Variants in SLC38A11 observed in about 807,000 individuals in gnomAD.
The protein encoded by SLC38A11 is solute carrier family 38 member 11, also known as putative sodium-coupled neutral amino acid transporter 11.
In SLC38A11, 51 loss-of-function variants were observed where a neutral mutation model predicts 49.4. The observed-to-expected ratio is 1.03, with a 90% CI of 0.83 to 1.30. The LOEUF (loss-of-function observed/expected upper bound fraction) is 1.30, where lower values mean the gene tolerates loss of function less well. Among genes scored for constraint, SLC38A11 ranks in the 50% most tolerant of loss-of-function variants. The pLI is 0.00. For synonymous variants in SLC38A11, 203 were observed against 192.9 expected (o/e 1.05, Z -0.43); for missense variants, 574 against 556.2 (o/e 1.03, Z -0.32).
rs762170071 is a variant in SLC38A11, at chr2:164,898,559, A to C, written c.1267T>G (p.Cys423Gly). The change falls in exon 12 of 12, where the codon TGC (cysteine) becomes GGC (glycine). Residue 423 changes from cysteine (C) to glycine (G), a missense_variant. Transcript: ENST00000685975. The part of the protein sequence containing the change: ...FVMAITNTQD[C>G]THGQEMFYCF... ...TAGAACATTTCCTGCCCATGGGTGCAGTCTTGAGTATTTGTAATAGCCATG... is the reference window on the plus strand; with the variant it reads ...TAGAACATTTCCTGCCCATGGGTGCCGTCTTGAGTATTTGTAATAGCCATG... 8 of 1,613,676 alleles carry C rather than the reference A, an allele frequency of 5.0e-6. No individual in the cohort carries two copies. The South Asian group carries it at 8.8e-5, about 18-fold the overall frequency.
intron 7 of SLC38A11, among the ~76,000 whole-genome samples, chr2:164,920,163 A>T (rs181401691): frequency 2.4e-4 from 36 of 151,980 alleles, no homozygotes; most frequent in Non-Finnish European, 3.7e-4. Flanking sequence ...AATCCCAGCT[A>T]CTCAAGAGAC....
intron 2 of SLC38A11, among the ~76,000 whole-genome samples, chr2:164,953,630 T>C (rs1574028299): frequency 6.6e-6 from 1 of 151,716 alleles, no homozygotes; most frequent in South Asian, 2.1e-4. Flanking sequence ...ATTTTATGTA[T>C]CATTTGGAGA....
chr2:164,953,898 C>A (rs1027739524), intron 2 of SLC38A11, among the ~76,000 whole-genome samples: 4 of 152,010 alleles, frequency 2.6e-5, no homozygotes, highest in African/African-American at 9.7e-5. Flanking sequence ...AGAATAATAA[C>A]CACTGAAAAT....
chr2:164,899,129 A>G (rs981667434), intron 11 of SLC38A11, among the ~76,000 whole-genome samples: 2 of 152,060 alleles, frequency 1.3e-5, no homozygotes, highest in African/African-American at 4.8e-5. Context: ...TGAATGGTCT[A>G]TTTGTCATTT....
intron 11 of SLC38A11, among the ~76,000 whole-genome samples, chr2:164,907,193 T>A (rs1352198291): frequency 1.3e-5 from 2 of 152,000 alleles, no homozygotes; most frequent in African/African-American, 2.4e-5. Context: ...CAATGGAATC[T>A]GTGTCACCAA....
chr2:164,941,176 A>T, intron 5 of SLC38A11, among the ~76,000 whole-genome samples: 1 of 152,162 alleles, frequency 6.6e-6, no homozygotes, highest in African/African-American at 2.4e-5. Context: ...TGCATTTTAA[A>T]TGTTTAAACA....
chr2:164,914,544 A>T (rs747732688), intron 9 of SLC38A11, among the ~76,000 whole-genome samples: 10 of 151,926 alleles, frequency 6.6e-5, no homozygotes, highest in Non-Finnish European at 1.2e-4. Flanking sequence ...TAAAACAATG[A>T]AAGTACCGGG....
At chr2:164,916,444 T>G (rs1406273395) in intron 7 of SLC38A11, among the ~76,000 whole-genome samples, 2 of 152,164 alleles carry the variant, frequency 1.3e-5, no homozygotes, top group Non-Finnish European at 2.9e-5. Flanking sequence ...GAACTAATAC[T>G]AATTGAGGAT....
intron 7 of SLC38A11, among the ~76,000 whole-genome samples, chr2:164,931,752 C>A (rs1379506751): frequency 1.3e-5 from 2 of 152,118 alleles, no homozygotes; most frequent in Non-Finnish European, 2.9e-5. Context: ...CCCTTCCTTA[C>A]ACCATACACA....
In SLC38A11 at chr2:164,896,698, G is replaced by T. The variant is rs575318111; in HGVS notation, c.*1739C>A. 8 of 152,132 alleles carry T rather than the reference G, an allele frequency of 5.3e-5. No individual in the cohort carries two copies. The East Asian group carries it at 1.5e-3, about 29-fold the overall frequency. 9.4% of individuals were successfully genotyped at this position (152,132 alleles called of 1,614,324 possible). A position where few individuals can be genotyped will look rare whatever the true frequency, so the allele number is the denominator to read the frequency against. ...TTAAATACAGAAAAGTTACCCAACA[G>T]AATTTAAATTAATTTAATGGTAAGG... is the stretch of plus-strand genomic sequence containing the variant. On this transcript the variant is annotated 3_prime_UTR_variant, in exon 12 of 12. Transcript: ENST00000685975.
chr2:164,904,326 G>T lies in SLC38A11; in HGVS notation c.1095+4314C>A, dbSNP rs1376013793. Among the ~76,000 whole-genome samples the T allele has an allele frequency of 1.3e-4, 20 of 152,084 alleles. No individual in the cohort carries two copies. In the East Asian group the frequency reaches 2.5e-3, roughly 19 times the overall value. On this transcript the variant is annotated intron_variant, in intron 11 of 11. Coordinates refer to ENST00000685975, the MANE Select transcript of SLC38A11 (RefSeq NM_001351537.2). Reference sequence around the variant, plus strand: ...CCAAGAATAGTGCTTATATTTATTTGATTTGCTTCTAAAATGAAACCTTTA... The same window carrying T: ...CCAAGAATAGTGCTTATATTTATTTTATTTGCTTCTAAAATGAAACCTTTA...
chr2:164,906,402 G>A (rs1217672178), intron 11 of SLC38A11, among the ~76,000 whole-genome samples: 3 of 152,152 alleles, frequency 2.0e-5, no homozygotes, highest in Non-Finnish European at 2.9e-5. Context: ...ATCCTGAACT[G>A]TAGTCCCAAG....
chr2:164,914,711 T>C (rs1685649185), intron 9 of SLC38A11, among the ~76,000 whole-genome samples: 1 of 151,960 alleles, frequency 6.6e-6, no homozygotes, highest in Non-Finnish European at 1.5e-5. Context: ...ATAATACTCT[T>C]TCCTCTAAGG....
chr2:164,954,598 A>T, intron 2 of SLC38A11, 33 bp downstream of exon 2: 1 of 1,157,434 alleles, frequency 8.6e-7, no homozygotes, highest in African/African-American at 1.6e-5. Flanking sequence ...TTGCCCTTTC[A>T]CTTAAAATTT....
chr2:164,904,820 T>G (rs546363651), intron 11 of SLC38A11, among the ~76,000 whole-genome samples: 1 of 152,280 alleles, frequency 6.6e-6, no homozygotes, highest in African/African-American at 2.4e-5. Context: ...ATAGATTTTA[T>G]AACCTAAGAA....
At chr2:164,931,370 G>A (rs1182775364) in intron 7 of SLC38A11, among the ~76,000 whole-genome samples, 1 of 151,514 alleles carries the variant, frequency 6.6e-6, no homozygotes, top group African/African-American at 2.4e-5. Flanking sequence ...CAGATTCAAT[G>A]TCATTCCTAT....
Position 164,898,433 on chromosome 2 carries a change from C to T in SLC38A11, c.*4G>A, listed in dbSNP as rs1409952698. 6.3e-7 allele frequency: 1 copy of T among 1,594,398 alleles called. No homozygotes were observed. Among genetic ancestry groups the T allele is most frequent in the Admixed American group, 1.7e-5 (1 of 59,508 alleles). On this transcript the variant is annotated 3_prime_UTR_variant, in exon 12 of 12. Transcript: ENST00000685975. ...AAAACATACATATTTTTAAAGCAGTCAACTCATTGAAAGATACTAATATTT... is the reference window on the plus strand; with the variant it reads ...AAAACATACATATTTTTAAAGCAGTTAACTCATTGAAAGATACTAATATTT...
At chr2:164,914,725 G>A (rs1685650065) in intron 9 of SLC38A11, among the ~76,000 whole-genome samples, 1 of 151,918 alleles carries the variant, frequency 6.6e-6, no homozygotes, top group Non-Finnish European at 1.5e-5. Context: ...TCTAAGGGAG[G>A]AAAATTTGAG....
rs753992601 is a variant in SLC38A11 at position 164,945,549 on chromosome 2, G to A, written c.364+44C>T. On this transcript the variant is annotated intron_variant, in intron 4 of 11. Coordinates refer to ENST00000685975, the MANE Select transcript of SLC38A11 (RefSeq NM_001351537.2). ...GTATTTTATTCAGAAATGACCATATGCTTATGCACATAATTGCAATATTTA... is the reference window on the plus strand; with the variant it reads ...GTATTTTATTCAGAAATGACCATATACTTATGCACATAATTGCAATATTTA... 3.9e-6 allele frequency: 6 copies of A among 1,542,802 alleles called. No individual in the cohort carries two copies. The African/African-American group carries it at 5.6e-5, about 14-fold the overall frequency.
Sources: allele counts gnomAD v4.1 joint callset (sites outside exome capture counted in the v4.1 genomes callset), GRCh38; gene constraint gnomAD v4.1.1; transcripts MANE v1.5; gene names NCBI Gene and HGNC (gene_info 2026-07-23, HGNC 2026-07-21).